MAP3K5: variants seen among roughly 807,000 people sequenced by gnomAD.
MAP3K5 encodes ASK-1.
A neutral mutation model predicts 158.7 loss-of-function variants in MAP3K5; 56 were observed. The observed-to-expected ratio is 0.35, with a 90% confidence interval of 0.28 to 0.44. MAP3K5 has a LOEUF of 0.44. Ranked by LOEUF, MAP3K5 falls within the 20% of genes least tolerant of loss-of-function variation. The pLI is 1.00. For synonymous variants in MAP3K5, 579 were observed against 601.7 expected, an observed-to-expected ratio of 0.96 and a Z score of 0.55; for missense variants, 1,294 against 1,674.8, an observed-to-expected ratio of 0.77 and a Z score of 3.97.
chr6:136,669,884 GGTGTGTGTGTGT>G (rs60778677), intron 7 of MAP3K5, among the ~76,000 whole-genome samples: 5 of 144,402 alleles, frequency 3.5e-5, no homozygotes, highest in African/African-American at 5.1e-5. Flanking sequence ...CATCATTCAG[GGTGTGTGTGTGT>G]GTGTGTGTGT....
rs57161895 is a variant in MAP3K5 at position 136,638,674 on chromosome 6, C to T, written c.1934+869G>A. ...CTTATTTCCAAGTGTTTTTTTTTCC[C>T]CCACCATATGTTTTATGATAATAAA... On this transcript the variant is annotated intron_variant, in intron 13 of 29. Coordinates refer to ENST00000359015, the MANE Select transcript of MAP3K5 (RefSeq NM_005923.4). Among the ~76,000 whole-genome samples, 1,108 of 151,606 alleles carry T rather than the reference C, an allele frequency of 7.3e-3. 14 individuals are homozygous for T. Among genetic ancestry groups the T allele is most frequent in the African/African-American group, 0.021 (882 of 41,360 alleles).
At chr6:136,785,504 A>G (rs966331608) in intron 1 of MAP3K5, among the ~76,000 whole-genome samples, 1 of 152,202 alleles carries the variant, frequency 6.6e-6, no homozygotes, top group Non-Finnish European at 1.5e-5. Flanking sequence ...GGAAATGGGA[A>G]GCAGGCAGCC....
intron 3 of MAP3K5, among the ~76,000 whole-genome samples, chr6:136,702,316 CA>C (rs771675987): frequency 7.2e-5 from 11 of 152,020 alleles, no homozygotes; most frequent in Non-Finnish European, 1.3e-4. Flanking sequence ...TTGTGTTTTT[CA>C]AAAAGATATA....
chr6:136,627,084 T>C (rs1359518670), intron 14 of MAP3K5, among the ~76,000 whole-genome samples: 1 of 152,238 alleles, frequency 6.6e-6, no homozygotes, highest in East Asian at 1.9e-4. Context: ...ATTTGCTTTT[T>C]TTTAGCAGAC....
At chr6:136,636,921 A>G in intron 14 of MAP3K5, 5 of 1,001,012 alleles carry the variant, frequency 5.0e-6, no homozygotes, top group Non-Finnish European at 5.9e-6. Flanking sequence ...TTAATCTTCC[A>G]TGGTTTCAGG....
intron 25 of MAP3K5, among the ~76,000 whole-genome samples, chr6:136,573,533 T>G (rs1774463018): frequency 1.3e-5 from 2 of 152,208 alleles, no homozygotes; most frequent in Admixed American, 6.5e-5. Flanking sequence ...GTAAGAGTGC[T>G]AAGGGGTAAA....
chr6:136,757,598 T>A (rs186680720), intron 1 of MAP3K5, among the ~76,000 whole-genome samples: 8 of 148,788 alleles, frequency 5.4e-5, no homozygotes, highest in East Asian at 3.9e-4. Context: ...TTTTTTTTTT[T>A]TTTTTTGAGA....
intron 11 of MAP3K5, among the ~76,000 whole-genome samples, chr6:136,645,069 C>CA (rs1294345083): frequency 6.6e-6 from 1 of 152,124 alleles, no homozygotes; most frequent in Non-Finnish European, 1.5e-5. Flanking sequence ...GCTGGGACTA[C>CA]AGGCACATAT....
intron 17 of MAP3K5, among the ~76,000 whole-genome samples, chr6:136,612,768 G>A (rs1776399744): frequency 6.6e-6 from 1 of 151,838 alleles, no homozygotes; most frequent in South Asian, 2.1e-4. Context: ...GCTACTATGG[G>A]CAAGGATACA....
At position 136,558,887 on chromosome 6, in the gene MAP3K5, A is replaced by G. The variant is rs1007820387; in HGVS notation, c.3988-11T>C. ...ATCTTCAGCCAAAAACTGTAGAGAAAGTAGAATATGCACAAAAGATGTTTT... is the reference window on the plus strand; with the variant it reads ...ATCTTCAGCCAAAAACTGTAGAGAAGGTAGAATATGCACAAAAGATGTTTT... On this transcript the variant is annotated splice_polypyrimidine_tract_variant and intron_variant, in intron 28 of 29. Transcript: ENST00000359015. The G allele has an allele frequency of 5.7e-6, 8 of 1,407,124 alleles. No homozygotes were observed. Among genetic ancestry groups the G allele is most frequent in the Non-Finnish European group, 7.0e-6 (7 of 994,436 alleles). The allele number at this position is 1,407,124 out of a possible 1,614,324, so 87.2% of individuals were successfully genotyped here.
intron 21 of MAP3K5, among the ~76,000 whole-genome samples, chr6:136,595,724 G>A (rs1016650015): frequency 1.3e-5 from 2 of 152,100 alleles, no homozygotes; most frequent in African/African-American, 2.4e-5. Context: ...AAATGAAGAC[G>A]GCAATTGGGC....
chr6:136,698,248 T>C (rs1454228480), intron 4 of MAP3K5, among the ~76,000 whole-genome samples: 1 of 152,236 alleles, frequency 6.6e-6, no homozygotes, highest in Admixed American at 6.5e-5. Flanking sequence ...TATTTTTAGT[T>C]CTACCATCAC....
chr6:136,669,677 T>C (rs1390438595), intron 7 of MAP3K5, among the ~76,000 whole-genome samples: 1 of 152,172 alleles, frequency 6.6e-6, no homozygotes, highest in Non-Finnish European at 1.5e-5. Context: ...TATGTGAATG[T>C]GAAAATTTAG....
Position 136,613,314 on chromosome 6 carries a change from T to C in MAP3K5, c.2279-58A>G. On this transcript the variant is annotated intron_variant, in intron 16 of 29. Coordinates refer to ENST00000359015, the MANE Select transcript of MAP3K5 (RefSeq NM_005923.4). The surrounding 1 kb of genome is among the most constrained non-coding windows in gnomAD (Gnocchi z 4.0). ...TCATTCAAATGAGCTCTTTAAAGTGTATTAATAATGTAACAGTAATTTAAG... is the reference window on the plus strand; with the variant it reads ...TCATTCAAATGAGCTCTTTAAAGTGCATTAATAATGTAACAGTAATTTAAG... The C allele has an allele frequency of 1.4e-6, 2 of 1,461,738 alleles. No individual in the cohort carries two copies. Among genetic ancestry groups the C allele is most frequent in the Non-Finnish European group, 1.9e-6 (2 of 1,069,546 alleles). 90.5% of individuals were successfully genotyped at this position (1,461,738 alleles called of 1,614,324 possible).
chr6:136,697,332 T>G lies in MAP3K5; in HGVS notation c.862A>C (p.Thr288Pro), dbSNP rs768590185. 6 of 1,613,628 alleles carry G rather than the reference T, an allele frequency of 3.7e-6. No homozygotes were observed. The South Asian group carries it at 6.6e-5, about 18-fold the overall frequency. Residue 288 changes from threonine (T) to proline (P), a missense_variant, in exon 5 of 30, where the codon ACT becomes CCT. Transcript: ENST00000359015. ...AACTCAGCTGCCAATTCTTTACCAG[T>G]GTATAAATTACGAGCTTTCCTGATG... ...NDIRKARNLY[T>P]GKELAAELAR...
chr6:136,567,575 T>A, intron 26 of MAP3K5, 56 bp downstream of exon 26: 2 of 1,532,132 alleles, frequency 1.3e-6, no homozygotes, highest in Admixed American at 2.0e-5. Flanking sequence ...CAAAAACACA[T>A]GCTCTTTAGT....
intron 18 of MAP3K5, among the ~76,000 whole-genome samples, chr6:136,606,267 G>A (rs1349587161): frequency 1.3e-5 from 2 of 151,924 alleles, no homozygotes; most frequent in African/African-American, 2.4e-5. Flanking sequence ...AGGAGAATCA[G>A]TTGAACCCAG....
intron 1 of MAP3K5, among the ~76,000 whole-genome samples, chr6:136,734,997 C>T (rs182517882): frequency 6.2e-4 from 95 of 152,280 alleles, no homozygotes; most frequent in South Asian, 5.4e-3. Context: ...CTTACCTAAT[C>T]GTCCTATACC....
intron 1 of MAP3K5, among the ~76,000 whole-genome samples, chr6:136,757,586 A>ATTTTTTT (rs897486770): frequency 2.8e-4 from 36 of 127,776 alleles, no homozygotes; most frequent in Non-Finnish European, 3.6e-4. Flanking sequence ...TTTATTTTTT[A>ATTTTTTT]TTTTTTTTTT....
Sources: gnomAD v4.1 joint callset for allele counts (sites outside exome capture counted in the v4.1 genomes callset) on GRCh38, gnomAD v4.1.1 for gene constraint, Gnocchi (gnomAD v3.1) non-coding constraint, MANE v1.5 for transcripts, NCBI Gene and HGNC (gene_info 2026-07-23, HGNC 2026-07-21) for gene names.